UPF2: variants seen among roughly 807,000 people sequenced by gnomAD.
UPF2 encodes UPF2 regulator of nonsense mediated mRNA decay.
In UPF2, 17 loss-of-function variants were observed where a neutral mutation model predicts 141.4. The ratio of observed to expected loss-of-function variants is 0.12; its 90% CI spans 0.08 to 0.18. The LOEUF (loss-of-function observed/expected upper bound fraction) is 0.18, where lower values mean the gene tolerates loss of function less well. Among genes scored for constraint, UPF2 ranks in the 10% least tolerant of loss-of-function variants. UPF2 has a pLI of 1.00. For synonymous variants in UPF2, 540 were observed against 498.0 expected, an observed-to-expected ratio of 1.08 and a Z score of -1.12; for missense variants, 1,152 against 1,515.9, an observed-to-expected ratio of 0.76 and a Z score of 3.99.
Position 11,956,573 on chromosome 10 carries a change from C to T in UPF2, c.2371-50G>A. ...ATTATTAAGATAAGTACACAGTAGCCTGACCAAATAATACAGAAATTTTGC... is the reference window on the plus strand; with the variant it reads ...ATTATTAAGATAAGTACACAGTAGCTTGACCAAATAATACAGAAATTTTGC... On this transcript the variant is annotated intron_variant, in intron 12 of 21. Coordinates refer to ENST00000357604, the MANE Select transcript of UPF2 (RefSeq NM_015542.4). This position sits in a 1 kb window ranked among gnomAD's most constrained non-coding sequence, Gnocchi z 4.2. 1 of 1,549,158 alleles carries T rather than the reference C, an allele frequency of 6.5e-7. No individual in the cohort carries two copies. The highest frequency in any genetic ancestry group is 8.8e-7 in the Non-Finnish European group (1 of 1,139,628).
intron 2 of UPF2, among the ~76,000 whole-genome samples, chr10:12,033,156 C>A (rs986871750): frequency 1.3e-5 from 2 of 152,166 alleles, no homozygotes; most frequent in Non-Finnish European, 2.9e-5. Context: ...GTAGTCCCAG[C>A]TACTAGGGAG....
chr10:12,021,966 C>T (rs1217448952), intron 3 of UPF2, among the ~76,000 whole-genome samples: 1 of 152,108 alleles, frequency 6.6e-6, no homozygotes, highest in Non-Finnish European at 1.5e-5. Flanking sequence ...ATGGTGAAAC[C>T]CTGTCTCTGC....
rs1170314965 is a variant in UPF2 at position 11,943,149 on chromosome 10, T to C, written c.3194A>G (p.Asp1065Gly). The change falls in exon 17 of 22, where the codon GAT (aspartate) becomes GGT (glycine). Residue 1065 changes from aspartate to glycine, a missense_variant. Asp to Gly is a moderately conservative substitution (Grantham distance 94). Coordinates refer to ENST00000357604, the MANE Select transcript of UPF2 (RefSeq NM_015542.4). ...PEEEEGSDND[D>G]DEGEEEEEEN... Reference sequence around the variant, plus strand: ...TTCCTCCTCTTCTTCTCCCTCATCATCATCATTATCAGAACCCTCCTGAAA... The same window carrying C: ...TTCCTCCTCTTCTTCTCCCTCATCACCATCATTATCAGAACCCTCCTGAAA... 6.2e-7 allele frequency: 1 copy of C among 1,610,038 alleles called. No individual in the cohort carries two copies. Among genetic ancestry groups the C allele is most frequent in the Non-Finnish European group, 8.5e-7 (1 of 1,178,526 alleles).
chr10:11,994,905 G>A (rs958537742), intron 8 of UPF2, among the ~76,000 whole-genome samples: 1 of 145,272 alleles, frequency 6.9e-6, no homozygotes, highest in Non-Finnish European at 1.5e-5. Context: ...GAACCTGGGA[G>A]GCAGAGCTTG....
Position 11,936,322 on chromosome 10 carries a change from A to G in UPF2, c.3546+223T>C, listed in dbSNP as rs888443983. ...GAGGAGGAGGTTGCAGTGAGCCAAG[A>G]CCCTGCCACTCCAGCCTGGGCGACA... On this transcript the variant is annotated intron_variant, in intron 19 of 21. Coordinates refer to ENST00000357604, the MANE Select transcript of UPF2 (RefSeq NM_015542.4). The surrounding 1 kb of genome is among the most constrained non-coding windows in gnomAD (Gnocchi z 6.6). Among the ~76,000 whole-genome samples the G allele has an allele frequency of 6.6e-6, 1 of 151,826 alleles. No individual in the cohort carries two copies. The highest frequency in any genetic ancestry group is 1.5e-5 in the Non-Finnish European group (1 of 67,894).
At chr10:11,943,387 AAT>A (rs1356422883) in intron 16 of UPF2, among the ~76,000 whole-genome samples, 1 of 152,218 alleles carries the variant, frequency 6.6e-6, no homozygotes, top group Non-Finnish European at 1.5e-5. Context: ...CTGATCTAAC[AAT>A]ACAGAGATCT....
At chr10:11,977,682 A>G (rs563692824) in intron 9 of UPF2, among the ~76,000 whole-genome samples, 54 of 152,332 alleles carry the variant, frequency 3.5e-4, no homozygotes, top group Non-Finnish European at 6.8e-4. Flanking sequence ...AAACATATCA[A>G]CAAGAATATC....
rs1339671463 is a variant in UPF2, at chr10:11,956,367, T to C, written c.2527A>G (p.Ile843Val). Residue 843 changes from isoleucine (I) to valine (V), a missense_variant, in exon 13 of 22, where the codon ATC (isoleucine) becomes GTC (valine). Physicochemically the swap from Ile to Val is conservative, Grantham distance 29. This residue lies in a region of UPF2 where 739 missense variants were observed against 1,032.2 expected (regional missense o/e 0.72). Transcript: ENST00000357604. The surrounding 1 kb of genome is among the most constrained non-coding windows in gnomAD (Gnocchi z 4.2). ...TCTAACACTCCATCCACAACGTGGA[T>C]CCCAACATCCTCTTGGTAGAGCACT... ...GLVLYQEDVGIHVVDGVLEDI... is the reference protein window; with the variant it reads ...GLVLYQEDVGVHVVDGVLEDI... 6.2e-7 allele frequency: 1 copy of C among 1,614,160 alleles called. No individual in the cohort carries two copies. Among genetic ancestry groups the C allele is most frequent in the South Asian group, 1.1e-5 (1 of 91,090 alleles).
intron 2 of UPF2, among the ~76,000 whole-genome samples, chr10:12,034,334 T>G (rs10795922): frequency 6.6e-6 from 1 of 151,420 alleles, no homozygotes; most frequent in Non-Finnish European, 1.5e-5. Flanking sequence ...TTTATTTTTT[T>G]TTTTTTGAGA....
At chr10:11,948,868 G>C (rs1588532582) in intron 15 of UPF2, among the ~76,000 whole-genome samples, 1 of 152,172 alleles carries the variant, frequency 6.6e-6, no homozygotes, top group East Asian at 1.9e-4. Flanking sequence ...GTAAGATACA[G>C]CGTTGGCCAC....
At chr10:12,036,981 C>G (rs563070098) in intron 1 of UPF2, among the ~76,000 whole-genome samples, 1 of 152,232 alleles carries the variant, frequency 6.6e-6, no homozygotes, top group Admixed American at 6.5e-5. Flanking sequence ...GCCAAGATCA[C>G]GCCATTGGAC....
At chr10:11,938,855 T>TTTTG (rs1832891632) in intron 18 of UPF2, among the ~76,000 whole-genome samples, 2 of 61,166 alleles carry the variant, frequency 3.3e-5, no homozygotes, top group Non-Finnish European at 5.9e-5. Context: ...TTTTTTTTGT[T>TTTTG]TTTTTTTTTT....
At chr10:12,003,551 G>A (rs1013624005) in intron 5 of UPF2, among the ~76,000 whole-genome samples, 5 of 152,124 alleles carry the variant, frequency 3.3e-5, no homozygotes, top group Admixed American at 1.3e-4. Flanking sequence ...TAGAGACAAT[G>A]TTAACAATTT....
In UPF2 at chr10:11,959,060, T is replaced by G; in HGVS notation, c.2370+111A>C. 1 of 1,008,388 alleles carries G rather than the reference T, an allele frequency of 9.9e-7. No homozygotes were observed. Among genetic ancestry groups the G allele is most frequent in the Non-Finnish European group, 1.4e-6 (1 of 733,408 alleles). 62.5% of individuals were successfully genotyped at this position (1,008,388 alleles called of 1,614,324 possible). ...CTTCTTAGGGTGACTTACACAGAGC[T>G]GATTATAAAGGAACTTGAGCTCTAC... On this transcript the variant is annotated intron_variant, in intron 12 of 21. Coordinates refer to ENST00000357604, the MANE Select transcript of UPF2 (RefSeq NM_015542.4). The surrounding 1 kb of genome is among the most constrained non-coding windows in gnomAD (Gnocchi z 5.9).
chr10:11,931,828 A>T lies in UPF2; in HGVS notation c.3547-46T>A, dbSNP rs1167218067. On this transcript the variant is annotated intron_variant, in intron 19 of 21. Coordinates refer to ENST00000357604, the MANE Select transcript of UPF2 (RefSeq NM_015542.4). The surrounding 1 kb of genome is among the most constrained non-coding windows in gnomAD (Gnocchi z 5.9). ...AGTTACAAATAGTTTGAGAACACTG[A>T]GAGAAAGAAAAAACAGACTTCAAAT... 1 of 1,562,428 alleles carries T rather than the reference A, an allele frequency of 6.4e-7. No homozygotes were observed. The highest frequency in any genetic ancestry group is 8.6e-7 in the Non-Finnish European group (1 of 1,159,674).
chr10:12,004,168 G>C (rs754593588), intron 5 of UPF2, among the ~76,000 whole-genome samples: 1 of 152,042 alleles, frequency 6.6e-6, no homozygotes, highest in Non-Finnish European at 1.5e-5. Flanking sequence ...GTTCTATCTA[G>C]CCTAGAAAGG....
rs139157248 is a variant in UPF2 at position 12,016,882 on chromosome 10, C to T, written c.1146-2698G>A. Among the ~76,000 whole-genome samples the T allele has an allele frequency of 4.6e-3, 686 of 149,960 alleles. 3 individuals are homozygous for T. Among genetic ancestry groups the T allele is most frequent in the South Asian group, 8.9e-3 (42 of 4,726 alleles). On this transcript the variant is annotated intron_variant, in intron 3 of 21. Coordinates refer to ENST00000357604, the MANE Select transcript of UPF2 (RefSeq NM_015542.4). This position sits in a 1 kb window ranked among gnomAD's most constrained non-coding sequence, Gnocchi z 4.1. ...CAAAAACATAAAAATTAGCCGGGCA[C>T]GATGGTGGGTGCCTGTAATCCTAGC...
intron 8 of UPF2, among the ~76,000 whole-genome samples, chr10:11,993,149 CAAAAAAAA>C (rs561323595): frequency 7.4e-5 from 6 of 80,554 alleles, no homozygotes; most frequent in Admixed American, 1.4e-4. Flanking sequence ...GGCTCCACCT[CAAAAAAAA>C]AAAAAAAAAA....
At chr10:11,961,879 A>G (rs1434868770) in intron 11 of UPF2, among the ~76,000 whole-genome samples, 1 of 152,164 alleles carries the variant, frequency 6.6e-6, no homozygotes, top group Non-Finnish European at 1.5e-5. Flanking sequence ...TGGGTATACC[A>G]AGTTTCATAA....
Sources: allele counts gnomAD v4.1 joint callset (sites outside exome capture counted in the v4.1 genomes callset), GRCh38; gene constraint gnomAD v4.1.1; regional missense constraint gnomAD v4.1.1; non-coding constraint Gnocchi (gnomAD v3.1); transcripts MANE v1.5; gene names NCBI Gene and HGNC (gene_info 2026-07-23, HGNC 2026-07-21).